Variants in JARID2 observed in about 807,000 individuals in gnomAD.
JARID2 encodes the protein jumonji and AT-rich interaction domain containing 2, also known as protein Jumonji.
A neutral mutation model predicts 125.6 loss-of-function variants in JARID2; 21 were observed. That is an observed-to-expected ratio of 0.17 (90% CI 0.12 to 0.24). JARID2 has a LOEUF of 0.24. JARID2 is among the 10% of genes least tolerant of loss of function. The probability of loss-of-function intolerance (pLI) is 1.00; values close to 1 mark genes in which losing one functional copy is unlikely to be tolerated. For synonymous variants in JARID2, 736 were observed against 661.6 expected (o/e 1.11, Z -1.73); for missense variants, 1,303 against 1,639.6 (o/e 0.79, Z 3.55).
chr6:15,517,138 G>A (rs201795736), intron 16 of JARID2, 23 bp from the exon 17 acceptor site: 53 of 1,581,140 alleles, frequency 3.4e-5, no homozygotes, highest in Admixed American at 5.0e-5. Flanking sequence ...CCTGACCTTC[G>A]GGTGTCCTGC....
chr6:15,276,271 C>A (rs1316314471), intron 1 of JARID2, among the ~76,000 whole-genome samples: 1 of 152,188 alleles, frequency 6.6e-6, no homozygotes, highest in Non-Finnish European at 1.5e-5. Context: ...TGCAGAAAAA[C>A]CAGGTTAATG....
At chr6:15,374,318 A>G (rs1037790510) in intron 2 of JARID2, 66 bp downstream of exon 2, 17 of 1,541,582 alleles carry the variant, frequency 1.1e-5, no homozygotes, top group African/African-American at 2.7e-5. Flanking sequence ...TTGTTCCTGA[A>G]TTGGATGTAT....
intron 3 of JARID2, among the ~76,000 whole-genome samples, chr6:15,441,462 T>G (rs369363617): frequency 5.3e-5 from 8 of 152,342 alleles, no homozygotes; most frequent in Middle Eastern, 3.4e-3. Flanking sequence ...TATTGGTGCA[T>G]GCTGGCTACT....
intron 1 of JARID2, among the ~76,000 whole-genome samples, chr6:15,333,270 T>A (rs1263492918): frequency 2.0e-5 from 3 of 152,182 alleles, no homozygotes; most frequent in Admixed American, 6.5e-5. Context: ...CGGTGTTTTT[T>A]AGTATATTCA....
At chr6:15,373,068 A>T (rs1311118036) in intron 1 of JARID2, among the ~76,000 whole-genome samples, 1 of 152,186 alleles carries the variant, frequency 6.6e-6, no homozygotes, top group Non-Finnish European at 1.5e-5. Flanking sequence ...TAGGTGTGTG[A>T]ACATAAGTCC....
intron 1 of JARID2, among the ~76,000 whole-genome samples, chr6:15,261,403 T>C (rs1361883431): frequency 1.4e-5 from 2 of 146,992 alleles, no homozygotes; most frequent in Admixed American, 6.8e-5. Context: ...CAACAACCTC[T>C]ACCTCCCAGG....
intron 2 of JARID2, among the ~76,000 whole-genome samples, chr6:15,379,172 T>TC (rs1371413476): frequency 1.3e-5 from 2 of 152,140 alleles, no homozygotes; most frequent in African/African-American, 2.4e-5. Context: ...GAATGAATTT[T>TC]TTTTTTTTTG....
At chr6:15,455,524 C>T (rs1026824465) in intron 4 of JARID2, among the ~76,000 whole-genome samples, 27 of 152,146 alleles carry the variant, frequency 1.8e-4, no homozygotes, top group Middle Eastern at 3.4e-3. Context: ...GGCTTTTAAA[C>T]GTAATTGGAG....
At chr6:15,272,718 C>A (rs1760345279) in intron 1 of JARID2, among the ~76,000 whole-genome samples, 1 of 152,154 alleles carries the variant, frequency 6.6e-6, no homozygotes, top group African/African-American at 2.4e-5. Flanking sequence ...GTTTATGCAG[C>A]CATAGTCCTG....
chr6:15,439,462 G>A (rs1159590217), intron 3 of JARID2, among the ~76,000 whole-genome samples: 1 of 152,164 alleles, frequency 6.6e-6, no homozygotes, highest in African/African-American at 2.4e-5. Flanking sequence ...GGCTTTGTGA[G>A]GAACCTACGA....
At chr6:15,380,549 G>A (rs985956316) in intron 2 of JARID2, among the ~76,000 whole-genome samples, 1 of 152,126 alleles carries the variant, frequency 6.6e-6, no homozygotes, top group South Asian at 2.1e-4. Flanking sequence ...TGTTTTTAAT[G>A]CTGTTGTCGT....
At chr6:15,433,924 GTGTGTGTGTGTGTGTGT>G (rs1561860308) in intron 3 of JARID2, among the ~76,000 whole-genome samples, 107 of 25,372 alleles carry the variant, frequency 4.2e-3, no homozygotes, top group Non-Finnish European at 7.4e-3. Flanking sequence ...TCTCCAGGGT[GTGTGTGTGTGTGTGTGT>G]GTGTGTGTGT....
At position 15,424,668 on chromosome 6, in the gene JARID2, A is replaced by T. The variant is rs189388727; in HGVS notation, c.323+14303A>T. 3.9e-3 allele frequency among the ~76,000 whole-genome samples: 598 copies of T among 152,220 alleles called. 4 individuals carry two copies. Among genetic ancestry groups the T allele is most frequent in the Middle Eastern group, 0.024 (7 of 294 alleles). On this transcript the variant is annotated intron_variant, in intron 3 of 17. Transcript: ENST00000341776. ...AGGTCGGGAGTTCGAGACCAGTGTGACCAACATGGAGAACCCCTGCCTCCA... is the reference window on the plus strand; with the variant it reads ...AGGTCGGGAGTTCGAGACCAGTGTGTCCAACATGGAGAACCCCTGCCTCCA...
rs141789884 is a variant in JARID2 at position 15,470,595 on chromosome 6, C to T, written c.670+1877C>T. 2.6e-5 allele frequency among the ~76,000 whole-genome samples: 4 copies of T among 152,304 alleles called. No individual in the cohort carries two copies. The East Asian group carries it at 7.7e-4, about 29-fold the overall frequency. ...TGATTGTGTTTAGGTGACACATCTG[C>T]ATAGTAGAGGGTGCAATCTCTTTTT... On this transcript the variant is annotated intron_variant, in intron 5 of 17. Coordinates refer to ENST00000341776, the MANE Select transcript of JARID2 (RefSeq NM_004973.4).
intron 1 of JARID2, among the ~76,000 whole-genome samples, chr6:15,316,309 A>C (rs1762177964): frequency 6.6e-6 from 1 of 152,120 alleles, no homozygotes; most frequent in Non-Finnish European, 1.5e-5. Context: ...TCCTGAACTC[A>C]AGTGGTCTGT....
At position 15,317,828 on chromosome 6, in the gene JARID2, G is replaced by A. The variant is rs570498896; in HGVS notation, c.46-56289G>A. Among the ~76,000 whole-genome samples, 5 of 152,256 alleles carry A rather than the reference G, an allele frequency of 3.3e-5. 1 individual carries two copies. Among genetic ancestry groups the A allele is most frequent in the Admixed American group, 2.6e-4 (4 of 15,292 alleles). ...GCACACAGCTGGCGCGTGGAGAGCC[G>A]ATCCCTCCAGGGTTTGTTTCTTTAA... On this transcript the variant is annotated intron_variant, in intron 1 of 17. Coordinates refer to ENST00000341776, the MANE Select transcript of JARID2 (RefSeq NM_004973.4).
intron 1 of JARID2, among the ~76,000 whole-genome samples, chr6:15,257,593 G>T (rs529865733): frequency 1.3e-5 from 2 of 152,174 alleles, no homozygotes; most frequent in African/African-American, 2.4e-5. Flanking sequence ...TGCTTTGCAC[G>T]TGTCTGTTTG....
At position 15,507,434 on chromosome 6, in the gene JARID2, C is replaced by T. The variant is rs374798640; in HGVS notation, c.2731+18C>T. On this transcript the variant is annotated intron_variant, in intron 11 of 17. Transcript: ENST00000341776. ...TGTGCCTGGTAAGCCTGACTGTGGCCGCCTGCCTGTGGCAGCTGTGTCCAT... is the reference window on the plus strand; with the variant it reads ...TGTGCCTGGTAAGCCTGACTGTGGCTGCCTGCCTGTGGCAGCTGTGTCCAT... The T allele has an allele frequency of 3.0e-5, 49 of 1,610,296 alleles. No individual in the cohort carries two copies. Among genetic ancestry groups the T allele is most frequent in the African/African-American group, 9.4e-5 (7 of 74,846 alleles).
intron 5 of JARID2, among the ~76,000 whole-genome samples, chr6:15,473,452 C>A (rs1051434267): frequency 7.2e-6 from 1 of 138,410 alleles, no homozygotes; most frequent in Admixed American, 8.3e-5. Flanking sequence ...TCATCTTTGT[C>A]ATTCCCTGTC....
Sources: allele counts gnomAD v4.1 joint callset (sites outside exome capture counted in the v4.1 genomes callset), GRCh38; gene constraint gnomAD v4.1.1; transcripts MANE v1.5; gene names NCBI Gene and HGNC (gene_info 2026-07-23, HGNC 2026-07-21).